Variants in PPARGC1A observed in about 807,000 individuals in gnomAD.
PPARGC1A encodes PPARG coactivator 1 alpha, also known as peroxisome proliferator-activated receptor gamma coactivator 1-alpha.
In PPARGC1A, 25 loss-of-function variants were observed where a neutral mutation model predicts 88.7. That is an observed-to-expected ratio of 0.28 (90% CI 0.21 to 0.39). The LOEUF (loss-of-function observed/expected upper bound fraction) is 0.39, where lower values mean the gene tolerates loss of function less well. Ranked by LOEUF, PPARGC1A falls within the 10% of genes least tolerant of loss-of-function variation. The pLI is 1.00. For missense variants in PPARGC1A, 880 were observed against 968.7 expected (o/e 0.91, Z 1.22); for synonymous variants, 363 against 355.6 (o/e 1.02, Z -0.24).
chr4:24,124,467 A>G, the PPARGC1A span, among the ~76,000 whole-genome samples: 1 of 152,172 alleles, frequency 6.6e-6, no homozygotes, highest in Non-Finnish European at 1.5e-5. Context: ...GAGTCATCCT[A>G]TTGGTGCCAA....
At chr4:23,806,994 T>C (rs1425721253) in intron 10 of PPARGC1A, among the ~76,000 whole-genome samples, 2 of 152,202 alleles carry the variant, frequency 1.3e-5, no homozygotes, top group African/African-American at 4.8e-5. Flanking sequence ...CTTGATATAA[T>C]GTAGATTTCA....
chr4:23,835,795 G>A (rs1265505639), intron 2 of PPARGC1A, among the ~76,000 whole-genome samples: 1 of 152,122 alleles, frequency 6.6e-6, no homozygotes, highest in East Asian at 1.9e-4. Context: ...ATAATGTTGA[G>A]TGGATATTGC....
chr4:24,213,688 T>C, the PPARGC1A span, among the ~76,000 whole-genome samples: 1 of 152,220 alleles, frequency 6.6e-6, no homozygotes, highest in Non-Finnish European at 1.5e-5. Context: ...CATACACACG[T>C]ACATGCATAT....
Position 23,889,931 on chromosome 4 carries a change from G to A in PPARGC1A, c.27C>T (p.Asp9=). The A allele has an allele frequency of 6.2e-7, 1 of 1,613,856 alleles. No homozygotes were observed. The highest frequency in any genetic ancestry group is 8.5e-7 in the Non-Finnish European group (1 of 1,179,828). The stretch of plus-strand genomic sequence containing the variant: ...CGATGTCACTCCATACAGACTCAGA[G>A]TCCTGGTTGCACATGTCCCACGCCA... MAWDMCNQ[D]SESVWSDIEC... Residue 9 remains aspartate (D), a synonymous_variant, in exon 1 of 13, where the codon GAC becomes GAT. Coordinates refer to ENST00000264867, the MANE Select transcript of PPARGC1A (RefSeq NM_013261.5).
chr4:24,147,224 T>TCTGG, the PPARGC1A span, among the ~76,000 whole-genome samples: 15 of 152,006 alleles, frequency 9.9e-5, no homozygotes, highest in Non-Finnish European at 1.5e-4. Flanking sequence ...TGGGCAGAGG[T>TCTGG]CTGGTGCAGA....
At chr4:24,127,057 A>T in the PPARGC1A span, among the ~76,000 whole-genome samples, 1 of 152,180 alleles carries the variant, frequency 6.6e-6, no homozygotes, top group Non-Finnish European at 1.5e-5. Flanking sequence ...GTGACCTCCC[A>T]AAGTCCTGGG....
the PPARGC1A span, among the ~76,000 whole-genome samples, chr4:24,225,094 T>A: frequency 6.6e-6 from 1 of 152,064 alleles, no homozygotes; most frequent in Non-Finnish European, 1.5e-5. Flanking sequence ...CTGAGTGATA[T>A]GGGGAGCCCC....
the PPARGC1A span, among the ~76,000 whole-genome samples, chr4:23,973,149 A>T: frequency 6.6e-6 from 1 of 152,068 alleles, no homozygotes; most frequent in Non-Finnish European, 1.5e-5. Flanking sequence ...CATTTTTATC[A>T]CTGGCCAATG....
the PPARGC1A span, among the ~76,000 whole-genome samples, chr4:24,285,519 T>C: frequency 6.6e-6 from 1 of 152,184 alleles, no homozygotes; most frequent in Non-Finnish European, 1.5e-5. Flanking sequence ...AAGTGGTGCT[T>C]ACTATGGCGA....
At chr4:24,128,147 T>A in the PPARGC1A span, among the ~76,000 whole-genome samples, 45 of 152,112 alleles carry the variant, frequency 3.0e-4, 1 homozygote, top group Admixed American at 2.8e-3. Context: ...GGAGCATGCT[T>A]TGATCAGCAT....
chr4:23,810,357 A>T (rs1483029694), intron 10 of PPARGC1A, among the ~76,000 whole-genome samples: 1 of 117,726 alleles, frequency 8.5e-6, no homozygotes, highest in Non-Finnish European at 1.9e-5. Flanking sequence ...TTGGAAGAGA[A>T]CTGATACAGA....
the PPARGC1A span, among the ~76,000 whole-genome samples, chr4:23,997,549 C>T: frequency 7.1e-6 from 1 of 141,594 alleles, no homozygotes; most frequent in Non-Finnish European, 1.5e-5. Flanking sequence ...GTCACCCACG[C>T]TAGAGGGCAG....
chr4:24,328,920 A>G, the PPARGC1A span, among the ~76,000 whole-genome samples: 1,423 of 152,342 alleles, frequency 9.3e-3, 12 homozygotes, highest in South Asian at 0.017. Flanking sequence ...TTGTATCAGT[A>G]AACACACTGC....
At chr4:24,246,476 G>A in the PPARGC1A span, among the ~76,000 whole-genome samples, 3 of 152,122 alleles carry the variant, frequency 2.0e-5, no homozygotes, top group South Asian at 2.1e-4. Flanking sequence ...TTAGCCGGGC[G>A]TGGTGGTGCC....
chr4:24,014,720 G>C, the PPARGC1A span, among the ~76,000 whole-genome samples: 10 of 152,244 alleles, frequency 6.6e-5, no homozygotes, highest in Admixed American at 4.6e-4. Context: ...CATGAGGAGA[G>C]TATCTGTCAC....
chr4:23,971,941 T>TA, the PPARGC1A span, among the ~76,000 whole-genome samples: 1 of 145,378 alleles, frequency 6.9e-6, no homozygotes, highest in Non-Finnish European at 1.5e-5. Context: ...TATACATATA[T>TA]TTTTTTTTCC....
upstream of PPARGC1A, among the ~76,000 whole-genome samples, chr4:23,891,018 C>T (rs1717782777): frequency 6.6e-6 from 1 of 152,122 alleles, no homozygotes; most frequent in African/African-American, 2.4e-5. Flanking sequence ...TCAAGAATGT[C>T]TGTGAACTGA....
chr4:24,154,169 G>A, the PPARGC1A span, among the ~76,000 whole-genome samples: 1 of 152,152 alleles, frequency 6.6e-6, no homozygotes, highest in Non-Finnish European at 1.5e-5. Flanking sequence ...CTACCTGAGT[G>A]ATGCCCTCCC....
upstream of PPARGC1A, among the ~76,000 whole-genome samples, chr4:23,894,637 C>G (rs1197208952): frequency 1.3e-5 from 2 of 152,188 alleles, no homozygotes; most frequent in East Asian, 3.9e-4. Context: ...CTTCTGCAGA[C>G]CGGCTCTATG....
Sources: allele counts gnomAD v4.1 joint callset (sites outside exome capture counted in the v4.1 genomes callset), GRCh38; gene constraint gnomAD v4.1.1; transcripts MANE v1.5; gene names NCBI Gene and HGNC (gene_info 2026-07-23, HGNC 2026-07-21).